The following IQSEC3 variants were observed in gnomAD, a reference collection of about 807,000 sequenced individuals.
IQSEC3 encodes the protein IQ motif and Sec7 domain ArfGEF 3, also known as IQ motif and SEC7 domain-containing protein 3.
A neutral mutation model predicts 105.4 loss-of-function variants in IQSEC3; 50 were observed. That is an observed-to-expected ratio of 0.47 (90% confidence interval 0.38 to 0.60). The LOEUF is 0.60. Ranked by LOEUF, IQSEC3 falls within the 20% of genes least tolerant of loss-of-function variation. The pLI, the probability that IQSEC3 is intolerant of heterozygous loss-of-function variation, is 0.00. For missense variants in IQSEC3, 1,415 were observed against 1,630.0 expected, an observed-to-expected ratio of 0.87 and a Z score of 2.27; for synonymous variants, 708 against 746.0, an observed-to-expected ratio of 0.95 and a Z score of 0.83.
At chr12:81,384 G>A (rs1026474751) in intron 1 of IQSEC3, among the ~76,000 whole-genome samples, 5 of 152,220 alleles carry the variant, frequency 3.3e-5, no homozygotes, top group African/African-American at 9.7e-5. Flanking sequence ...AGACTGAAGA[G>A]GGAAGAAAGG....
chr12:91,758 G>A (rs1229423458), intron 1 of IQSEC3, among the ~76,000 whole-genome samples: 1 of 152,136 alleles, frequency 6.6e-6, no homozygotes, highest in African/African-American at 2.4e-5. Flanking sequence ...TCCAGGCTGG[G>A]CGATGGAGTG....
At chr12:126,104 G>A (rs1389490558) in intron 3 of IQSEC3, among the ~76,000 whole-genome samples, 192 bp downstream of exon 3, 5 of 152,214 alleles carry the variant, frequency 3.3e-5, no homozygotes, top group Non-Finnish European at 7.3e-5. Context: ...CTTCTACCAT[G>A]GCAGGGCTCA....
intron 1 of IQSEC3, among the ~76,000 whole-genome samples, chr12:97,276 A>C (rs1857011544): frequency 6.6e-6 from 1 of 152,186 alleles, no homozygotes; most frequent in African/African-American, 2.4e-5. Flanking sequence ...TACATTTTGC[A>C]CATATACTTT....
chr12:139,356 T>G lies in IQSEC3; in HGVS notation c.1991+2T>G. On this transcript the variant is annotated splice_donor_variant, in intron 4 of 13. Coordinates refer to ENST00000538872, the MANE Select transcript of IQSEC3 (RefSeq NM_001170738.2). LOFTEE classifies it high-confidence loss of function. The stretch of plus-strand genomic sequence containing the variant: ...CATCGGCCTCAACCTCTTCAACATG[T>G]AAGTCAGCCCCGGCCCCCAGCCCGG... 1 of 1,545,132 alleles carries G rather than the reference T, an allele frequency of 6.5e-7. No homozygotes were observed. Among genetic ancestry groups the G allele is most frequent in the Non-Finnish European group, 8.8e-7 (1 of 1,141,794 alleles).
At chr12:103,356 T>A (rs1273242068) in intron 2 of IQSEC3, among the ~76,000 whole-genome samples, 2 of 142,240 alleles carry the variant, frequency 1.4e-5, no homozygotes, top group African/African-American at 2.7e-5. Context: ...GGAGGTGGGC[T>A]TAGGAGGGGA....
chr12:90,317 G>A (rs1864042190), intron 1 of IQSEC3, among the ~76,000 whole-genome samples: 1 of 152,168 alleles, frequency 6.6e-6, no homozygotes, highest in Non-Finnish European at 1.5e-5. Context: ...AAAAATTGAT[G>A]TACCTTTTTC....
chr12:114,608 AGAG>A (rs1214218208), intron 2 of IQSEC3, among the ~76,000 whole-genome samples: 1 of 152,254 alleles, frequency 6.6e-6, no homozygotes, highest in Non-Finnish European at 1.5e-5. Context: ...ACAGGCTCAG[AGAG>A]GAGATTTTCT....
At chr12:147,847 C>G (rs1555091478) in intron 5 of IQSEC3, 1 of 152,170 alleles carries the variant, frequency 6.6e-6, no homozygotes, top group African/African-American at 2.4e-5. Context: ...AGGTCTGAGC[C>G]AGATTTAGCT....
In IQSEC3 at chr12:138,806, C is replaced by CATG; in HGVS notation, c.1447_1449dup (p.Met483dup). 1.9e-6 allele frequency: 3 copies of CATG among 1,609,422 alleles called. No homozygotes were observed. Among genetic ancestry groups the CATG allele is most frequent in the Non-Finnish European group, 2.5e-6 (3 of 1,179,018 alleles). On this transcript the variant is annotated inframe_insertion, in exon 4 of 14. Coordinates refer to ENST00000538872, the MANE Select transcript of IQSEC3 (RefSeq NM_001170738.2). The surrounding 1 kb of genome is among the most constrained non-coding windows in gnomAD (Gnocchi z 7.1). ...TGCCCCCGGCCCACAGCGGGACCCT[C>CATG]ATGATGGCTTTCCGGGACGTCACGG...
chr12:94,264 T>C (rs1005085777), intron 1 of IQSEC3, among the ~76,000 whole-genome samples: 12 of 151,746 alleles, frequency 7.9e-5, no homozygotes, highest in Admixed American at 4.6e-4. Context: ...TGAAGAAGAG[T>C]TGTGGGCATG....
In IQSEC3 at chr12:138,539, A is replaced by T; in HGVS notation, c.1176A>T (p.Ala392=). ...VRSPSLPPTF[A]GTLTELEDSF... is the part of the protein sequence containing the mutation. ...CGCCCTCCCTGCCGCCCACCTTCGC[A>T]GGCACCCTCACCGAGCTGGAGGACT... Residue 392 remains alanine, a synonymous_variant, in exon 4 of 14, where the codon GCA becomes GCT. Coordinates refer to ENST00000538872, the MANE Select transcript of IQSEC3 (RefSeq NM_001170738.2). The surrounding 1 kb of genome is among the most constrained non-coding windows in gnomAD (Gnocchi z 7.1). 6.3e-7 allele frequency: 1 copy of T among 1,579,198 alleles called. No individual in the cohort carries two copies. The highest frequency in any genetic ancestry group is 1.7e-5 in the Admixed American group (1 of 57,268).
In IQSEC3 at chr12:138,508, T is replaced by C. The variant is rs201093808; in HGVS notation, c.1145T>C (p.Val382Ala). Residue 382 changes from valine to alanine, a missense_variant, in exon 4 of 14, where the codon GTG (valine) becomes GCG (alanine). Physicochemically the swap from Val to Ala is moderately conservative, Grantham distance 64 (BLOSUM62 0). This residue lies in a region of IQSEC3 where 720 missense variants were observed against 633.0 expected (regional missense o/e 1.14). Transcript: ENST00000538872. This position sits in a 1 kb window ranked among gnomAD's most constrained non-coding sequence, Gnocchi z 7.1. ...EGYGLVGLPL[V>A]RSPSLPPTFA... ...TACGGCCTCGTGGGGCTGCCGCTGG[T>C]GCGCTCGCCCTCCCTGCCGCCCACC... The C allele has an allele frequency of 1.5e-4, 233 of 1,583,074 alleles. 1 individual carries two copies. The East Asian group carries it at 4.6e-3, about 31-fold the overall frequency.
chr12:168,158 G>A (rs1485763547), intron 11 of IQSEC3, among the ~76,000 whole-genome samples: 6 of 152,186 alleles, frequency 3.9e-5, no homozygotes, highest in African/African-American at 1.4e-4. Flanking sequence ...AGAAGCGGGA[G>A]GAGTGATTTA....
At chr12:173,890 C>A (rs1402551019) in intron 13 of IQSEC3, among the ~76,000 whole-genome samples, 1 of 152,192 alleles carries the variant, frequency 6.6e-6, no homozygotes, top group Non-Finnish European at 1.5e-5. Context: ...CTCCTCCTGC[C>A]CCGCCTTGGG....
At chr12:116,367 G>A (rs1487104510) in intron 2 of IQSEC3, among the ~76,000 whole-genome samples, 2 of 152,124 alleles carry the variant, frequency 1.3e-5, no homozygotes, top group Non-Finnish European at 2.9e-5. Context: ...GGACCCCAAA[G>A]GCACTCGCCC....
At chr12:128,095 T>C (rs905698254) in intron 3 of IQSEC3, among the ~76,000 whole-genome samples, 1 of 152,188 alleles carries the variant, frequency 6.6e-6, no homozygotes, top group Non-Finnish European at 1.5e-5. Flanking sequence ...ACCCCTGCAC[T>C]TGGCCTTCTC....
intron 1 of IQSEC3, among the ~76,000 whole-genome samples, chr12:95,119 A>G: frequency 6.6e-6 from 1 of 152,154 alleles, no homozygotes; most frequent in Non-Finnish European, 1.5e-5. Flanking sequence ...TAGGTTTCAG[A>G]CAGTTCTCTA....
chr12:106,399 G>A (rs894280913), intron 2 of IQSEC3: 3 of 152,302 alleles, frequency 2.0e-5, no homozygotes, highest in Non-Finnish European at 2.9e-5. Flanking sequence ...AGAGCACATA[G>A]GTTATTGTTC....
At chr12:94,856 G>A (rs1317706000) in intron 1 of IQSEC3, among the ~76,000 whole-genome samples, 3 of 152,264 alleles carry the variant, frequency 2.0e-5, no homozygotes, top group Admixed American at 2.0e-4. Flanking sequence ...TGCCAGCGCT[G>A]TGGGTAGTGA....
Sources: allele counts gnomAD v4.1 joint callset (sites outside exome capture counted in the v4.1 genomes callset), GRCh38; gene constraint gnomAD v4.1.1; regional missense constraint gnomAD v4.1.1; non-coding constraint Gnocchi (gnomAD v3.1); transcripts MANE v1.5; gene names NCBI Gene and HGNC (gene_info 2026-07-23, HGNC 2026-07-21).